The following CD320 variants were observed in gnomAD, a reference collection of about 807,000 sequenced individuals.
The protein encoded by CD320 is CD320 molecule.
CD320 carries 16 observed loss-of-function variants against 22.1 expected under a neutral mutation model. That is an observed-to-expected ratio of 0.73 (90% CI 0.49 to 1.10). The LOEUF is 1.10. CD320 is among the 50% of genes least tolerant of loss of function. The probability of loss-of-function intolerance (pLI) is 0.00; values close to 1 mark genes in which losing one functional copy is unlikely to be tolerated. For missense variants in CD320, 388 were observed against 376.9 expected (o/e 1.03, Z -0.24); for synonymous variants, 188 against 167.8 (o/e 1.12, Z -0.93).
Position 8,303,898 on chromosome 19 carries a change from G to C in CD320, c.459C>G (p.Asp153Glu). The change falls in exon 3 of 5, where the codon GAC becomes GAG. Residue 153 changes from aspartate (D) to glutamate (E), a missense_variant. Transcript: ENST00000301458. ...DDCIPLTWRC[D>E]GHPDCPDSSD... ...TGGAGTCGGGACAGTCTGGGTGGCC[G>C]TCGCAGCGCCACGTGAGTGGAATGC... The C allele has an allele frequency of 1.2e-6, 2 of 1,605,740 alleles. No homozygotes were observed. The highest frequency in any genetic ancestry group is 4.5e-5 in the East Asian group (2 of 44,434).
rs752419138 is a variant in CD320, at chr19:8,308,326, A to G, written c.-36T>C. The G allele has an allele frequency of 2.6e-4, 416 of 1,576,828 alleles. No individual in the cohort carries two copies. Among genetic ancestry groups the G allele is most frequent in the Non-Finnish European group, 3.4e-4 (402 of 1,168,874 alleles). ...CAGCGGCGCCGGCCACGCGCTGTCCAGACCGCTCTCTTATCCCTGCGCACG... is the reference window on the plus strand; with the variant it reads ...CAGCGGCGCCGGCCACGCGCTGTCCGGACCGCTCTCTTATCCCTGCGCACG... On this transcript the variant is annotated 5_prime_UTR_variant, in exon 1 of 5. Transcript: ENST00000301458.
chr19:8,303,754 G>A (rs756442509), intron 3 of CD320, 101 bp downstream of exon 3: 23 of 792,834 alleles, frequency 2.9e-5, no homozygotes, highest in Non-Finnish European at 4.2e-5. Flanking sequence ...ATGCAGGCAC[G>A]GGCAAAGGCA....
chr19:8,302,988 A>G lies in CD320; in HGVS notation c.503-8T>C. The G allele has an allele frequency of 6.2e-7, 1 of 1,613,292 alleles. No homozygotes were observed. The highest frequency in any genetic ancestry group is 8.5e-7 in the Non-Finnish European group (1 of 1,179,476). ...GGAGGATCTCATTGGTTCCTGCAATAAGCCCAGGCGTTCAGTAGTTGAGGA... is the reference window on the plus strand; with the variant it reads ...GGAGGATCTCATTGGTTCCTGCAATGAGCCCAGGCGTTCAGTAGTTGAGGA... On this transcript the variant is annotated splice_region_variant and splice_polypyrimidine_tract_variant and intron_variant, in intron 3 of 4. Transcript: ENST00000301458.
chr19:8,302,750 C>T, intron 4 of CD320, 27 bp downstream of exon 4: 1 of 1,612,940 alleles, frequency 6.2e-7, no homozygotes, highest in Non-Finnish European at 8.5e-7. Flanking sequence ...TCTAAGCCCC[C>T]AGCATGGGAG....
chr19:8,308,040 G>T, intron 1 of CD320, 109 bp downstream of exon 1: 2 of 1,096,794 alleles, frequency 1.8e-6, no homozygotes, highest in Non-Finnish European at 2.5e-6. Flanking sequence ...TGCTGGGGGA[G>T]TGTCATGAAC....
chr19:8,302,262 C>T lies in CD320; in HGVS notation c.*201G>A. ...GGCTGTGGCAGGTTCCCCATCCTAGCTCCCCGGATCTCCATAGGGAGTGTC... is the reference window on the plus strand; with the variant it reads ...GGCTGTGGCAGGTTCCCCATCCTAGTTCCCCGGATCTCCATAGGGAGTGTC... On this transcript the variant is annotated 3_prime_UTR_variant, in exon 5 of 5. Coordinates refer to ENST00000301458, the MANE Select transcript of CD320 (RefSeq NM_016579.4). 1.4e-6 allele frequency: 1 copy of T among 730,742 alleles called. No individual in the cohort carries two copies. The highest frequency in any genetic ancestry group is 2.4e-6 in the Non-Finnish European group (1 of 412,082). The allele number at this position is 730,742 out of a possible 1,614,324, so 45.3% of individuals were successfully genotyped here.
At chr19:8,303,615 G>C (rs887065592) in intron 3 of CD320, among the ~76,000 whole-genome samples, 1 of 151,298 alleles carries the variant, frequency 6.6e-6, no homozygotes, top group African/African-American at 2.4e-5. Flanking sequence ...GGGTTTCGCA[G>C]TGTTTGCCAG....
Position 8,305,016 on chromosome 19 carries a change from G to A in CD320, c.268+15C>T, listed in dbSNP as rs1352828155. ...CCGCCCCCTGTAAGCCCCGCCAAGG[G>A]GCGTGGCCACTCACTGCACTCCTCC... On this transcript the variant is annotated intron_variant, in intron 2 of 4. Coordinates refer to ENST00000301458, the MANE Select transcript of CD320 (RefSeq NM_016579.4). The A allele has an allele frequency of 6.2e-7, 1 of 1,603,136 alleles. No homozygotes were observed. The highest frequency in any genetic ancestry group is 1.3e-5 in the African/African-American group (1 of 74,890).
At position 8,302,540 on chromosome 19, in the gene CD320, G is replaced by T; in HGVS notation, c.772C>A (p.Arg258Ser). ...LLLSWLRAQE[R>S]LRPLGLLVAM... ...ACCAGTAACCCCAGTGGGCGGAGGC[G>T]CTCCTGGGCTCGGAGCCAGGACAAA... Residue 258 changes from arginine (R) to serine (S), a missense_variant, in exon 5 of 5, where the codon CGC becomes AGC. Arg to Ser is a moderately radical substitution (Grantham distance 110). Transcript: ENST00000301458. 1 of 1,613,786 alleles carries T rather than the reference G, an allele frequency of 6.2e-7. No individual in the cohort carries two copies. The highest frequency in any genetic ancestry group is 8.5e-7 in the Non-Finnish European group (1 of 1,179,830).
intron 3 of CD320, 113 bp from the exon 4 acceptor site, chr19:8,303,093 G>A (rs1230380539): frequency 6.6e-6 from 4 of 607,118 alleles, no homozygotes; most frequent in South Asian, 5.1e-5. Context: ...GCTGGGTGAA[G>A]CTGACTGCCC....
At chr19:8,304,900 A>T in intron 2 of CD320, 131 bp downstream of exon 2, 1 of 1,078,990 alleles carries the variant, frequency 9.3e-7, no homozygotes, top group Non-Finnish European at 1.4e-6. Flanking sequence ...CTTATGACCC[A>T]CAGACCCAAG....
rs1413450224 is a variant in CD320, at chr19:8,302,256, T to G, written c.*207A>C. The G allele has an allele frequency of 1.4e-6, 1 of 723,146 alleles. No homozygotes were observed. The highest frequency in any genetic ancestry group is 2.5e-6 in the Non-Finnish European group (1 of 406,288). The allele number at this position is 723,146 out of a possible 1,614,324, so 44.8% of individuals were successfully genotyped here. A position where few individuals can be genotyped will look rare whatever the true frequency, so the allele number is the denominator to read the frequency against. On this transcript the variant is annotated 3_prime_UTR_variant, in exon 5 of 5. Transcript: ENST00000301458. ...AGTTCTGGCTGTGGCAGGTTCCCCA[T>G]CCTAGCTCCCCGGATCTCCATAGGG...
intron 1 of CD320, 95 bp from the exon 2 acceptor site, chr19:8,305,251 CG>C (rs1290754339): frequency 8.8e-6 from 13 of 1,470,838 alleles, no homozygotes; most frequent in Non-Finnish European, 1.2e-5. Flanking sequence ...AGGAGACAGG[CG>C]AAGTCCCGGG....
At position 8,308,215 on chromosome 19, in the gene CD320, C is replaced by T. The variant is rs748403746; in HGVS notation, c.76G>A (p.Gly26Ser). The change falls in exon 1 of 5, where the codon GGC becomes AGC. Residue 26 changes from glycine (G) to serine (S), a missense_variant. Transcript: ENST00000301458. ...GCGGCCTCCAGGCCTAGTCCGAGGC[C>T]GAGCAGCAGCAGCAGCGCCAGGCCC... is the stretch of plus-strand genomic sequence containing the variant. The part of the protein sequence containing the change: ...ALGLALLLLL[G>S]LGLGLEAAAS... 1.0e-5 allele frequency: 16 copies of T among 1,574,674 alleles called. No homozygotes were observed. The Admixed American group carries it at 1.2e-4, about 12-fold the overall frequency.
At chr19:8,302,735 G>A (rs1311767363) in intron 4 of CD320, 42 bp downstream of exon 4, 20 of 1,607,240 alleles carry the variant, frequency 1.2e-5, no homozygotes, top group Middle Eastern at 1.6e-4. Flanking sequence ...CTGAATCCCC[G>A]GAGCTCTAAG....
At chr19:8,308,089 C>G in intron 1 of CD320, 60 bp downstream of exon 1, 3 of 1,407,730 alleles carry the variant, frequency 2.1e-6, no homozygotes, top group African/African-American at 3.0e-5. Context: ...GTTGTCGGTG[C>G]GCGGCGGCGG....
chr19:8,308,054 C>T (rs1267143755), intron 1 of CD320, 95 bp downstream of exon 1: 2 of 1,234,220 alleles, frequency 1.6e-6, no homozygotes. Context: ...CATGAACTGA[C>T]GTGCGGTGCA....
In CD320 at chr19:8,308,349, A is replaced by G. The variant is rs1022459754; in HGVS notation, c.-59T>C. On this transcript the variant is annotated 5_prime_UTR_variant, in exon 1 of 5. Transcript: ENST00000301458. ...CCAGACCGCTCTCTTATCCCTGCGC[A>G]CGCGCACGCGCGGGGTTGGGGCGGG... 2.6e-6 allele frequency: 4 copies of G among 1,550,492 alleles called. No homozygotes were observed. The Admixed American group carries it at 7.5e-5, about 29-fold the overall frequency.
intron 1 of CD320, among the ~76,000 whole-genome samples, chr19:8,306,688 G>A (rs557945314): frequency 6.6e-6 from 1 of 152,322 alleles, no homozygotes; most frequent in African/African-American, 2.4e-5. Context: ...CAGGGTCCCT[G>A]AGCTCTATGG....
Sources: gnomAD v4.1 joint callset for allele counts (sites outside exome capture counted in the v4.1 genomes callset) on GRCh38, gnomAD v4.1.1 for gene constraint, MANE v1.5 for transcripts, NCBI Gene and HGNC (gene_info 2026-07-23, HGNC 2026-07-21) for gene names.